SCN2A: variants seen among roughly 807,000 people sequenced by gnomAD.
SCN2A encodes sodium voltage-gated channel alpha subunit 2.
Under a neutral mutation model 188.7 loss-of-function variants are expected in SCN2A, and 20 were observed. The observed-to-expected ratio is 0.11, with a 90% CI of 0.07 to 0.15. The LOEUF (loss-of-function observed/expected upper bound fraction) is 0.15, where lower values mean the gene tolerates loss of function less well. Among genes scored for constraint, SCN2A ranks in the 10% least tolerant of loss-of-function variants. The pLI, the probability that SCN2A is intolerant of heterozygous loss-of-function variation, is 1.00. For missense variants in SCN2A, 1,278 were observed against 2,445.0 expected, an observed-to-expected ratio of 0.52 and a Z score of 10.07; for synonymous variants, 804 against 833.1, an observed-to-expected ratio of 0.97 and a Z score of 0.60.
chr2:165,377,648 A>T lies in SCN2A; in HGVS notation c.4306A>T (p.Asn1436Tyr). The change falls in exon 23 of 27, where the codon AAT (asparagine) becomes TAT (tyrosine). Residue 1436 changes from asparagine to tyrosine, a missense_variant and splice_region_variant. By Grantham distance (143) the Asn-to-Tyr change is moderately radical. Around this residue, in one of 17 missense-constraint regions of SCN2A, gnomAD observed 97 missense variants for 266.1 expected, o/e 0.36. Coordinates refer to ENST00000375437, the MANE Select transcript of SCN2A (RefSeq NM_001040142.2). ...DIMYAAVDSR[N>Y]VELQPKYEDN... ...TATGTATGCAGCTGTTGATTCACGA[A>T]ATGTAAGTCTAGTTAGAGGGAAATT... 1 of 1,604,902 alleles carries T rather than the reference A, an allele frequency of 6.2e-7. No individual in the cohort carries two copies. The highest frequency in any genetic ancestry group is 8.5e-7 in the Non-Finnish European group (1 of 1,174,212).
intron 3 of SCN2A, among the ~76,000 whole-genome samples, chr2:165,300,940 G>A (rs901959047): frequency 6.6e-6 from 1 of 152,060 alleles, no homozygotes; most frequent in Non-Finnish European, 1.5e-5. Flanking sequence ...TTGTCATTAT[G>A]AAGGCAAGAG....
At chr2:165,386,482 A>G in intron 25 of SCN2A, among the ~76,000 whole-genome samples, 1 of 151,842 alleles carries the variant, frequency 6.6e-6, no homozygotes, top group Non-Finnish European at 1.5e-5. Context: ...AAAAAAATTA[A>G]AAAAAAGAGA....
At chr2:165,260,250 A>T (rs947311967) in intron 1 of SCN2A, among the ~76,000 whole-genome samples, 4 of 151,972 alleles carry the variant, frequency 2.6e-5, no homozygotes, top group Non-Finnish European at 5.9e-5. Flanking sequence ...GCCAAAATGG[A>T]TTTCTTAATA....
intron 12 of SCN2A, among the ~76,000 whole-genome samples, chr2:165,326,145 C>T (rs1419410872): frequency 1.3e-5 from 2 of 151,912 alleles, no homozygotes; most frequent in African/African-American, 4.8e-5. Context: ...TGTTGAAATC[C>T]TGATGAGTTT....
chr2:165,380,237 T>C (rs938823875), intron 23 of SCN2A, among the ~76,000 whole-genome samples: 3 of 151,804 alleles, frequency 2.0e-5, no homozygotes, highest in Non-Finnish European at 2.9e-5. Context: ...AGTTTTGACA[T>C]AGAATAATGT....
At chr2:165,365,860 G>A (rs531743000) in intron 18 of SCN2A, among the ~76,000 whole-genome samples, 5 of 152,112 alleles carry the variant, frequency 3.3e-5, no homozygotes, top group Admixed American at 1.3e-4. Context: ...TGGAGTAATC[G>A]CAAAAGGATT....
At chr2:165,344,978 A>G (rs1699494596) in intron 16 of SCN2A, 67 bp downstream of exon 16, 4 of 1,594,144 alleles carry the variant, frequency 2.5e-6, no homozygotes, top group South Asian at 2.2e-5. Flanking sequence ...AGTGTGTTCA[A>G]CTGAAGAATA....
At chr2:165,296,707 A>T (rs1038075122) in intron 2 of SCN2A, 20 of 186,232 alleles carry the variant, frequency 1.1e-4, no homozygotes, top group Admixed American at 2.9e-4. Flanking sequence ...TCAAAGCCTC[A>T]ATTTTGTGCT....
chr2:165,254,006 C>T lies in SCN2A; in HGVS notation c.-52+14366C>T, dbSNP rs548533556. ...AAATATTAATAGTGCAAATTTCCTG[C>T]TGTTTCCTAACTTTGACATAAATAT... On this transcript the variant is annotated intron_variant, in intron 1 of 26. Transcript: ENST00000375437. Among the ~76,000 whole-genome samples, 164 of 151,884 alleles carry T rather than the reference C, an allele frequency of 1.1e-3. 1 individual carries two copies. The highest frequency in any genetic ancestry group is 1.9e-3 in the Non-Finnish European group (130 of 67,808).
chr2:165,345,107 G>C (rs1574642885), intron 16 of SCN2A, among the ~76,000 whole-genome samples, 196 bp downstream of exon 16: 1 of 152,082 alleles, frequency 6.6e-6, no homozygotes, highest in Admixed American at 6.5e-5. Context: ...TTGAACCAAA[G>C]TTATTCTTTC....
intron 1 of SCN2A, among the ~76,000 whole-genome samples, chr2:165,255,366 T>C (rs1210776907): frequency 6.6e-6 from 1 of 152,050 alleles, no homozygotes; most frequent in Non-Finnish European, 1.5e-5. Context: ...AAGATAAAAA[T>C]ATTGTTTTTT....
chr2:165,367,193 T>G, intron 18 of SCN2A, 24 bp from the exon 19 acceptor site: 2 of 1,613,616 alleles, frequency 1.2e-6, no homozygotes, highest in Non-Finnish European at 1.7e-6. Flanking sequence ...TTTTTTGTCT[T>G]CATTTTTTTC....
In SCN2A at chr2:165,315,309, TTTGA is replaced by T. The variant is rs552687528; in HGVS notation, c.1384-158_1384-155del. Among the ~76,000 whole-genome samples the T allele has an allele frequency of 2.0e-4, 31 of 152,330 alleles. No individual in the cohort carries two copies. In the East Asian group the frequency reaches 4.4e-3, roughly 22 times the overall value. The stretch of plus-strand genomic sequence containing the variant: ...TTCCATATGAATGCCCATTTTACTC[TTTGA>T]TTGGTCTAATAACAATGTACTGTTT... On this transcript the variant is annotated intron_variant, in intron 10 of 26. Transcript: ENST00000375437.
chr2:165,300,920 C>A (rs893151160), intron 3 of SCN2A, among the ~76,000 whole-genome samples: 81 of 151,372 alleles, frequency 5.4e-4, no homozygotes, highest in African/African-American at 1.9e-3. Context: ...AGCAAGGAGA[C>A]TGGGACCGAT....
At chr2:165,245,833 G>A (rs1381836595) in intron 1 of SCN2A, among the ~76,000 whole-genome samples, 2 of 152,184 alleles carry the variant, frequency 1.3e-5, no homozygotes, top group Non-Finnish European at 1.5e-5. Context: ...CAATTAAATT[G>A]TTCATGATTT....
rs927604225 is a variant in SCN2A, at chr2:165,315,348, C to G, written c.1384-123C>G. On this transcript the variant is annotated intron_variant, in intron 10 of 26. Coordinates refer to ENST00000375437, the MANE Select transcript of SCN2A (RefSeq NM_001040142.2). Reference sequence around the variant, plus strand: ...TAACAATGTACTGTTTTCTAAAACACAGAATAAAATGGAGAATTGTTTTTC... The same window carrying G: ...TAACAATGTACTGTTTTCTAAAACAGAGAATAAAATGGAGAATTGTTTTTC... The G allele has an allele frequency of 1.0e-5, 15 of 1,470,678 alleles. No individual in the cohort carries two copies. In the Admixed American group the frequency reaches 3.1e-4, roughly 31 times the overall value. 91.1% of individuals were successfully genotyped at this position (1,470,678 alleles called of 1,614,324 possible). A position where few individuals can be genotyped will look rare whatever the true frequency, so the allele number is the denominator to read the frequency against.
At chr2:165,350,709 T>TGA (rs1699862652) in intron 16 of SCN2A, among the ~76,000 whole-genome samples, 1 of 2,762 alleles carries the variant, frequency 3.6e-4, no homozygotes, top group African/African-American at 3.9e-4. Flanking sequence ...CCTGACCTCG[T>TGA]GATCCGCCCG....
intron 1 of SCN2A, among the ~76,000 whole-genome samples, chr2:165,241,855 TAGATCTTTA>T (rs1693636630): frequency 6.6e-6 from 1 of 152,154 alleles, no homozygotes; most frequent in Admixed American, 6.5e-5. Context: ...ACAGTTAAAT[TAGATCTTTA>T]AGAGTGAGTT....
chr2:165,355,340 C>T (rs1186755409), intron 17 of SCN2A, among the ~76,000 whole-genome samples: 1 of 152,034 alleles, frequency 6.6e-6, no homozygotes, highest in African/African-American at 2.4e-5. Context: ...CTGAATTTAC[C>T]AACTCAGTAA....
Sources: allele counts gnomAD v4.1 joint callset (sites outside exome capture counted in the v4.1 genomes callset), GRCh38; gene constraint gnomAD v4.1.1; regional missense constraint gnomAD v4.1.1; transcripts MANE v1.5; gene names NCBI Gene and HGNC (gene_info 2026-07-23, HGNC 2026-07-21).